The following BARX2 variants were observed in gnomAD, a reference collection of about 807,000 sequenced individuals.
BARX2 encodes homeobox protein BarH-like 2.
Under a neutral mutation model 25.5 loss-of-function variants are expected in BARX2, and 11 were observed. The ratio of observed to expected loss-of-function variants is 0.43; its 90% confidence interval spans 0.27 to 0.71. The LOEUF is 0.71. BARX2 is among the 30% of genes least tolerant of loss of function. The pLI is 0.19. For missense variants in BARX2, 360 were observed against 359.9 expected, an observed-to-expected ratio of 1.00 and a Z score of 0.00; for synonymous variants, 137 against 149.5, an observed-to-expected ratio of 0.92 and a Z score of 0.61.
At chr11:129,446,683 G>A (rs1475999980) in intron 3 of BARX2, among the ~76,000 whole-genome samples, 1 of 152,184 alleles carries the variant, frequency 6.6e-6, no homozygotes, top group Non-Finnish European at 1.5e-5. Flanking sequence ...ACAGCCCTGA[G>A]CATTTGTCCT....
chr11:129,406,778 G>A (rs1381459991), intron 1 of BARX2, among the ~76,000 whole-genome samples: 1 of 152,170 alleles, frequency 6.6e-6, no homozygotes, highest in East Asian at 1.9e-4. Context: ...CTCAGTTTTT[G>A]GATTCACATG....
chr11:129,415,200 A>G (rs779334295), intron 1 of BARX2, among the ~76,000 whole-genome samples: 2 of 151,946 alleles, frequency 1.3e-5, no homozygotes, highest in Non-Finnish European at 2.9e-5. Context: ...CTCTTACTAC[A>G]TGTTTTGATG....
Position 129,376,755 on chromosome 11 carries a change from T to C in BARX2, c.187+533T>C, listed in dbSNP as rs145510443. Among the ~76,000 whole-genome samples, 69 of 152,338 alleles carry C rather than the reference T, an allele frequency of 4.5e-4. No individual in the cohort carries two copies. Among genetic ancestry groups the C allele is most frequent in the Admixed American group, 1.5e-3 (23 of 15,308 alleles). ...TCTGAGAAAGTAGTTCTGAAGTACA[T>C]TGTCTTTGTGGCACAAGCCGAAAAG... On this transcript the variant is annotated intron_variant, in intron 1 of 3. Coordinates refer to ENST00000281437, the MANE Select transcript of BARX2 (RefSeq NM_003658.5). This position sits in a 1 kb window ranked among gnomAD's most constrained non-coding sequence, Gnocchi z 4.2.
intron 1 of BARX2, among the ~76,000 whole-genome samples, chr11:129,402,360 A>G (rs1008192014): frequency 3.3e-5 from 5 of 152,148 alleles, no homozygotes; most frequent in African/African-American, 1.2e-4. Context: ...CAGGATTGTT[A>G]TGATGACTAA....
Position 129,451,487 on chromosome 11 carries a change from G to GTTTTT in BARX2, c.*85_*86insTTTTT. 1 of 1,478,202 alleles carries GTTTTT rather than the reference G, an allele frequency of 6.8e-7. No individual in the cohort carries two copies. Among genetic ancestry groups the GTTTTT allele is most frequent in the East Asian group, 2.4e-5 (1 of 40,886 alleles). 91.6% of individuals were successfully genotyped at this position (1,478,202 alleles called of 1,614,324 possible). A position where few individuals can be genotyped will look rare whatever the true frequency, so the allele number is the denominator to read the frequency against. On this transcript the variant is annotated 3_prime_UTR_variant, in exon 4 of 4. Transcript: ENST00000281437. ...GAGAGTAGGGAGAGAAAACCTTCCAGCAGCCCAGTAAACTGCGGGCGAAGA... is the reference window on the plus strand; with the variant it reads ...GAGAGTAGGGAGAGAAAACCTTCCAGTTTTTCAGCCCAGTAAACTGCGGGCGAAGA...
chr11:129,382,692 G>T (rs1388074779), intron 1 of BARX2, among the ~76,000 whole-genome samples: 1 of 152,164 alleles, frequency 6.6e-6, no homozygotes, highest in African/African-American at 2.4e-5. Context: ...TGCATCTTCT[G>T]TTGGGGATGC....
intron 1 of BARX2, among the ~76,000 whole-genome samples, chr11:129,389,813 G>A (rs949464210): frequency 6.6e-6 from 1 of 151,586 alleles, no homozygotes; most frequent in Non-Finnish European, 1.5e-5. Context: ...TTTCCAATTA[G>A]GTAGCATGGA....
intron 3 of BARX2, among the ~76,000 whole-genome samples, chr11:129,449,352 A>G (rs191903678): frequency 6.6e-6 from 1 of 152,336 alleles, no homozygotes; most frequent in East Asian, 1.9e-4. Context: ...TTCTTGGAGC[A>G]TGGAGTAATG....
At chr11:129,412,042 G>A (rs1861894001) in intron 1 of BARX2, among the ~76,000 whole-genome samples, 1 of 152,164 alleles carries the variant, frequency 6.6e-6, no homozygotes, top group Non-Finnish European at 1.5e-5. Flanking sequence ...GGAGGCCGAG[G>A]CAGGCAGATC....
At chr11:129,441,576 G>A (rs537136061) in intron 2 of BARX2, among the ~76,000 whole-genome samples, 12 of 152,188 alleles carry the variant, frequency 7.9e-5, no homozygotes, top group Admixed American at 2.0e-4. Flanking sequence ...AGCCTCCTTC[G>A]TAGCTGGGAT....
chr11:129,380,676 TA>T (rs1336282370), intron 1 of BARX2, among the ~76,000 whole-genome samples: 1 of 152,200 alleles, frequency 6.6e-6, no homozygotes, highest in Non-Finnish European at 1.5e-5. Context: ...ATTGTAAGGG[TA>T]AATAAATAGA....
intron 1 of BARX2, among the ~76,000 whole-genome samples, chr11:129,398,476 A>C (rs1288627095): frequency 6.6e-6 from 1 of 152,220 alleles, no homozygotes; most frequent in African/African-American, 2.4e-5. Context: ...AATATCAAAT[A>C]AGACACTTAG....
intron 1 of BARX2, among the ~76,000 whole-genome samples, chr11:129,434,117 CA>C (rs146352602): frequency 0.085 from 12,477 of 146,768 alleles, 640 homozygotes; most frequent in Middle Eastern, 0.11. Context: ...TAAAGGCAGA[CA>C]AAAAAAAAAT....
At chr11:129,383,010 A>T (rs1471522076) in intron 1 of BARX2, among the ~76,000 whole-genome samples, 2 of 152,222 alleles carry the variant, frequency 1.3e-5, no homozygotes, top group Admixed American at 6.5e-5. Context: ...GTTTCTTTCC[A>T]CAGCACAGAT....
intron 1 of BARX2, among the ~76,000 whole-genome samples, chr11:129,413,515 A>G (rs1329560384): frequency 6.6e-6 from 1 of 152,172 alleles, no homozygotes; most frequent in Non-Finnish European, 1.5e-5. Context: ...CTACCATTTC[A>G]TGGAATTTAA....
intron 1 of BARX2, among the ~76,000 whole-genome samples, chr11:129,400,117 T>A (rs553032854): frequency 2.0e-5 from 3 of 152,126 alleles, no homozygotes; most frequent in Admixed American, 1.3e-4. Flanking sequence ...CACCTTCATT[T>A]GGGAGAGGAG....
intron 3 of BARX2, among the ~76,000 whole-genome samples, chr11:129,449,929 CAGG>C (rs1388603632): frequency 6.6e-6 from 1 of 152,104 alleles, no homozygotes; most frequent in Non-Finnish European, 1.5e-5. Context: ...GGAAGGCTTC[CAGG>C]AGAAGTTAGC....
At chr11:129,407,682 G>A (rs1861845644) in intron 1 of BARX2, among the ~76,000 whole-genome samples, 1 of 152,090 alleles carries the variant, frequency 6.6e-6, no homozygotes, top group South Asian at 2.1e-4. Context: ...ATGTTGTCTC[G>A]AAAATATGAT....
Position 129,451,290 on chromosome 11 carries a change from T to C in BARX2, c.728T>C (p.Leu243Pro). The C allele has an allele frequency of 6.2e-7, 1 of 1,614,096 alleles. No individual in the cohort carries two copies. Among genetic ancestry groups the C allele is most frequent in the Non-Finnish European group, 8.5e-7 (1 of 1,180,022 alleles). Residue 243 changes from leucine to proline, a missense_variant, in exon 4 of 4, where the codon CTC becomes CCC. This residue lies in a region of BARX2 where 114 missense variants were observed against 109.4 expected (regional missense o/e 1.04). Transcript: ENST00000281437. ...GAGCCCTCTCAGGGGCAGGAGGAGC[T>C]CTGTGAAGCACAGGAACCGAAAGCA... ...QLEPSQGQEELCEAQEPKARD... is the reference protein window; with the variant it reads ...QLEPSQGQEEPCEAQEPKARD...
Sources: allele counts gnomAD v4.1 joint callset (sites outside exome capture counted in the v4.1 genomes callset), GRCh38; gene constraint gnomAD v4.1.1; regional missense constraint gnomAD v4.1.1; non-coding constraint Gnocchi (gnomAD v3.1); transcripts MANE v1.5; gene names NCBI Gene and HGNC (gene_info 2026-07-23, HGNC 2026-07-21).